CDO1: variants seen among roughly 807,000 people sequenced by gnomAD.
CDO1 encodes the protein cysteine dioxygenase type 1, also known as cysteine dioxygenase, type I.
A neutral mutation model predicts 24.5 loss-of-function variants in CDO1; 19 were observed. That is an observed-to-expected ratio of 0.77 (90% CI 0.54 to 1.14). The LOEUF is 1.14. CDO1 is among the 50% of genes most tolerant of loss of function. The pLI, the probability that CDO1 is intolerant of heterozygous loss-of-function variation, is 0.00. For missense variants in CDO1, 244 were observed against 244.8 expected, an observed-to-expected ratio of 1.00 and a Z score of 0.02; for synonymous variants, 91 against 87.0, an observed-to-expected ratio of 1.05 and a Z score of -0.26.
At chr5:115,813,075 T>C (rs76387924) in intron 2 of CDO1, 106 bp downstream of exon 2, 3 of 274,274 alleles carry the variant, frequency 1.1e-5, no homozygotes, top group Non-Finnish European at 1.3e-5. Context: ...AAAAAAAAAA[T>C]GAGATTTGTT....
chr5:115,807,978 AAAAAAAAAC>A (rs1561435607), intron 3 of CDO1, among the ~76,000 whole-genome samples: 2 of 138,140 alleles, frequency 1.4e-5, no homozygotes, highest in African/African-American at 6.6e-5. Flanking sequence ...AGGTTTTTTT[AAAAAAAAAC>A]AAAAAAAACA....
intron 2 of CDO1, 82 bp from the exon 3 acceptor site, chr5:115,811,397 A>G: frequency 1.0e-6 from 1 of 956,098 alleles, no homozygotes; most frequent in Admixed American, 2.2e-5. Context: ...CAGAACTGAC[A>G]CCTGCATACT....
At chr5:115,815,691 C>T (rs1311946042) in intron 1 of CDO1, among the ~76,000 whole-genome samples, 1 of 152,204 alleles carries the variant, frequency 6.6e-6, no homozygotes, top group Non-Finnish European at 1.5e-5. Context: ...GGAGAACTGA[C>T]GCGGGTGACT....
intron 4 of CDO1, among the ~76,000 whole-genome samples, chr5:115,805,890 T>A (rs1364490290): frequency 6.6e-6 from 1 of 152,218 alleles, no homozygotes; most frequent in African/African-American, 2.4e-5. Context: ...CATGTTAGTA[T>A]AGTCTATTCT....
intron 3 of CDO1, among the ~76,000 whole-genome samples, chr5:115,808,964 T>C (rs1381982424): frequency 6.6e-6 from 1 of 152,198 alleles, no homozygotes; most frequent in Non-Finnish European, 1.5e-5. Context: ...TTCTAGGTAA[T>C]TAGCGATGCT....
intron 2 of CDO1, among the ~76,000 whole-genome samples, 169 bp from the exon 3 acceptor site, chr5:115,811,484 G>A (rs990166481): frequency 2.2e-4 from 34 of 152,102 alleles, no homozygotes; most frequent in African/African-American, 8.2e-4. Flanking sequence ...GTTCAACAAT[G>A]TTCAGGGTAA....
At chr5:115,816,020 A>AG (rs1179239226) in intron 1 of CDO1, among the ~76,000 whole-genome samples, 1 of 152,188 alleles carries the variant, frequency 6.6e-6, no homozygotes, top group Non-Finnish European at 1.5e-5. Flanking sequence ...CAGCAAGGCC[A>AG]GTAGGATCCA....
At chr5:115,809,756 C>T (rs1760106004) in intron 3 of CDO1, 1 of 152,106 alleles carries the variant, frequency 6.6e-6, no homozygotes, top group East Asian at 1.9e-4. Flanking sequence ...AATTAGTCTA[C>T]AGAAATAATT....
In CDO1 at chr5:115,811,323, T is replaced by C. The variant is rs756606693; in HGVS notation, c.249-8A>G. The C allele has an allele frequency of 6.2e-7, 1 of 1,608,088 alleles. No individual in the cohort carries two copies. Among genetic ancestry groups the C allele is most frequent in the Middle Eastern group, 1.7e-4 (1 of 6,050 alleles). ...GTATGATCATGAATACTGCTATATG[T>C]ACACAAAATGACAACTGAACTCAGT... is the stretch of plus-strand genomic sequence containing the variant. On this transcript the variant is annotated splice_region_variant and splice_polypyrimidine_tract_variant and intron_variant, in intron 2 of 4. Transcript: ENST00000250535.
intron 3 of CDO1, among the ~76,000 whole-genome samples, chr5:115,809,007 T>G (rs1265914764): frequency 6.6e-6 from 1 of 152,202 alleles, no homozygotes; most frequent in African/African-American, 2.4e-5. Context: ...CTAGGATCTT[T>G]CATTTTCCTT....
intron 1 of CDO1, among the ~76,000 whole-genome samples, chr5:115,815,662 C>T (rs1185501772): frequency 1.3e-5 from 2 of 152,200 alleles, no homozygotes; most frequent in Non-Finnish European, 2.9e-5. Context: ...CGGTTGCAGG[C>T]GACCGAAGGC....
intron 3 of CDO1, among the ~76,000 whole-genome samples, chr5:115,806,730 A>G (rs1384121183): frequency 1.3e-5 from 2 of 152,256 alleles, no homozygotes; most frequent in African/African-American, 4.8e-5. Flanking sequence ...CAGTAAAAAA[A>G]TAAAAAAGAC....
At chr5:115,814,492 A>G (rs1417522244) in intron 1 of CDO1, 5 of 152,258 alleles carry the variant, frequency 3.3e-5, no homozygotes, top group African/African-American at 1.2e-4. Context: ...CACCTATTTA[A>G]TGCAAAAAAT....
intron 2 of CDO1, among the ~76,000 whole-genome samples, chr5:115,812,877 A>T (rs1199577370): frequency 6.6e-6 from 1 of 151,730 alleles, no homozygotes; most frequent in Admixed American, 6.6e-5. Context: ...GTGAAACCCC[A>T]TCTCTACTAA....
chr5:115,811,685 T>G (rs1161423422), intron 2 of CDO1, among the ~76,000 whole-genome samples: 1 of 152,178 alleles, frequency 6.6e-6, no homozygotes, highest in Non-Finnish European at 1.5e-5. Context: ...TGAAAGTACA[T>G]TAGAGAAATT....
intron 2 of CDO1, 112 bp from the exon 3 acceptor site, chr5:115,811,427 A>T (rs1760184737): frequency 2.9e-6 from 2 of 695,844 alleles, no homozygotes; most frequent in Non-Finnish European, 4.7e-6. Context: ...CTATCTCCCC[A>T]GCCAAAATCC....
At chr5:115,806,771 G>A (rs1481626836) in intron 3 of CDO1, among the ~76,000 whole-genome samples, 1 of 152,154 alleles carries the variant, frequency 6.6e-6, no homozygotes, top group Non-Finnish European at 1.5e-5. Context: ...TAGGAAAAGA[G>A]AAAACACTAA....
At chr5:115,807,987 C>CAA (rs200097977) in intron 3 of CDO1, among the ~76,000 whole-genome samples, 4 of 150,168 alleles carry the variant, frequency 2.7e-5, no homozygotes, top group African/African-American at 9.9e-5. Flanking sequence ...TAAAAAAAAA[C>CAA]AAAAAAAACA....
chr5:115,814,809 C>A (rs1760356169), intron 1 of CDO1, among the ~76,000 whole-genome samples: 1 of 152,194 alleles, frequency 6.6e-6, no homozygotes, highest in South Asian at 2.1e-4. Context: ...GATAGAAGAC[C>A]TAGTGCAAGT....
Sources: allele counts gnomAD v4.1 joint callset (sites outside exome capture counted in the v4.1 genomes callset), GRCh38; gene constraint gnomAD v4.1.1; transcripts MANE v1.5; gene names NCBI Gene and HGNC (gene_info 2026-07-23, HGNC 2026-07-21).